GRID2: variants seen among roughly 807,000 people sequenced by gnomAD.
GRID2 encodes the protein glutamate receptor ionotropic, delta-2.
In GRID2, 33 loss-of-function variants were observed where a neutral mutation model predicts 114.8. The observed-to-expected ratio is 0.29, with a 90% CI of 0.22 to 0.38. The LOEUF (loss-of-function observed/expected upper bound fraction) is 0.38. GRID2 is among the 10% of genes least tolerant of loss of function. The pLI is 1.00. For missense variants in GRID2, 1,184 were observed against 1,257.7 expected (o/e 0.94, Z 0.89); for synonymous variants, 505 against 449.9 (o/e 1.12, Z -1.55).
intron 1 of GRID2, among the ~76,000 whole-genome samples, chr4:92,457,786 G>A (rs548165238): frequency 1.3e-5 from 2 of 152,116 alleles, no homozygotes; most frequent in Admixed American, 1.3e-4. Context: ...AGAACAAAGA[G>A]AAAGTGTCTT....
At position 93,455,891 on chromosome 4, in the gene GRID2, C is replaced by T. The variant is rs145785994; in HGVS notation, c.1775C>T (p.Pro592Leu). The T allele has an allele frequency of 2.3e-4, 371 of 1,610,274 alleles. No homozygotes were observed. Among genetic ancestry groups the T allele is most frequent in the Non-Finnish European group, 2.9e-4 (342 of 1,176,692 alleles). ...LLVYLLNWLN[P>L]PRLQMGSMTS... ...GTCTACCTCTTGAACTGGCTTAATC[C>T]CCCACGATTACAAATGGGATCAATG... The change falls in exon 11 of 16, where the codon CCC becomes CTC. Residue 592 changes from proline to leucine, a missense_variant. By Grantham distance (98) the Pro-to-Leu change is moderately conservative (BLOSUM62 -3). Coordinates refer to ENST00000282020, the MANE Select transcript of GRID2 (RefSeq NM_001510.4).
At chr4:93,278,571 A>G (rs1752318013) in intron 8 of GRID2, among the ~76,000 whole-genome samples, 1 of 152,008 alleles carries the variant, frequency 6.6e-6, no homozygotes, top group Admixed American at 6.6e-5. Flanking sequence ...TTATCCACAA[A>G]ATAGTTTCAG....
At chr4:93,603,079 AG>A (rs1386877952) in intron 13 of GRID2, among the ~76,000 whole-genome samples, 1 of 152,058 alleles carries the variant, frequency 6.6e-6, no homozygotes, top group African/African-American at 2.4e-5. Flanking sequence ...ACGTGGTGGC[AG>A]GCGCCTGTAA....
intron 8 of GRID2, among the ~76,000 whole-genome samples, chr4:93,372,760 A>T (rs1389543259): frequency 6.6e-6 from 1 of 152,210 alleles, no homozygotes; most frequent in Non-Finnish European, 1.5e-5. Flanking sequence ...TCTTAAGCAC[A>T]ATACAATAGT....
chr4:92,500,419 T>A (rs190754602), intron 1 of GRID2, among the ~76,000 whole-genome samples: 4 of 152,306 alleles, frequency 2.6e-5, no homozygotes, highest in Admixed American at 2.6e-4. Flanking sequence ...CACATTCCTT[T>A]GAGAACTAAA....
intron 4 of GRID2, among the ~76,000 whole-genome samples, chr4:93,184,356 C>T (rs1238512003): frequency 6.6e-6 from 1 of 152,076 alleles, no homozygotes; most frequent in Non-Finnish European, 1.5e-5. Context: ...TATTTACTGC[C>T]TGTGTCCGTG....
chr4:92,662,387 T>G (rs1340131284), intron 2 of GRID2, among the ~76,000 whole-genome samples: 1 of 151,028 alleles, frequency 6.6e-6, no homozygotes. Flanking sequence ...AATACTGAGC[T>G]ATGTTATCTT....
Position 92,648,125 on chromosome 4 carries a change from T to C in GRID2, c.244+57839T>C, listed in dbSNP as rs191956654. ...TGTATAATGACAATAAAATTCTTTT[T>C]GAGATCTGTAGCATTCAGTGCCTTG... On this transcript the variant is annotated intron_variant, in intron 2 of 15. Coordinates refer to ENST00000282020, the MANE Select transcript of GRID2 (RefSeq NM_001510.4). Among the ~76,000 whole-genome samples the C allele has an allele frequency of 2.3e-4, 34 of 150,042 alleles. 1 individual carries two copies. Among genetic ancestry groups the C allele is most frequent in the Admixed American group, 2.2e-3 (33 of 15,116 alleles).
chr4:92,753,106 A>G (rs1007827208), intron 2 of GRID2, among the ~76,000 whole-genome samples: 1 of 152,192 alleles, frequency 6.6e-6, no homozygotes, highest in Non-Finnish European at 1.5e-5. Context: ...TTACAAATGT[A>G]AGTAATACAC....
intron 1 of GRID2, among the ~76,000 whole-genome samples, chr4:92,313,393 C>T (rs1184622075): frequency 5.3e-5 from 8 of 151,966 alleles, no homozygotes; most frequent in African/African-American, 1.7e-4. Context: ...GTGATGAGTG[C>T]ACCAGGTTCT....
At chr4:92,636,700 C>A (rs898108320) in intron 2 of GRID2, among the ~76,000 whole-genome samples, 4 of 151,976 alleles carry the variant, frequency 2.6e-5, no homozygotes, top group African/African-American at 7.2e-5. Flanking sequence ...TAATGCAGCT[C>A]TGTAAAGTGT....
intron 10 of GRID2, among the ~76,000 whole-genome samples, chr4:93,445,990 A>G (rs1045676614): frequency 1.3e-5 from 2 of 152,014 alleles, no homozygotes; most frequent in Non-Finnish European, 2.9e-5. Flanking sequence ...AGATTTCAAA[A>G]AAGCACACTC....
At chr4:93,626,134 T>A (rs745904283) in intron 13 of GRID2, 135 bp from the exon 14 acceptor site, 1 of 568,100 alleles carries the variant, frequency 1.8e-6, no homozygotes, top group Non-Finnish European at 3.1e-6. Flanking sequence ...CAACAGATAC[T>A]GAAGGATGAT....
intron 4 of GRID2, among the ~76,000 whole-genome samples, chr4:93,191,358 T>C (rs1740966015): frequency 6.6e-6 from 1 of 152,104 alleles, no homozygotes; most frequent in African/African-American, 2.4e-5. Flanking sequence ...CAAGCTGTCT[T>C]CCTCTTTGCT....
intron 13 of GRID2, among the ~76,000 whole-genome samples, chr4:93,613,250 G>T (rs1447221180): frequency 7.1e-6 from 1 of 141,200 alleles, no homozygotes; most frequent in Admixed American, 7.1e-5. Context: ...CTTTGCCTTT[G>T]GTTTGAATGT....
chr4:93,119,689 A>T (rs1733603046), intron 4 of GRID2, among the ~76,000 whole-genome samples: 1 of 152,178 alleles, frequency 6.6e-6, no homozygotes, highest in Non-Finnish European at 1.5e-5. Flanking sequence ...AGGTTCATTG[A>T]AAAAAAGAAC....
At chr4:92,629,058 C>T (rs1010921342) in intron 2 of GRID2, among the ~76,000 whole-genome samples, 4 of 151,664 alleles carry the variant, frequency 2.6e-5, no homozygotes, top group African/African-American at 9.7e-5. Context: ...AATCCCAGGG[C>T]TCACTAGATA....
chr4:93,540,120 TTCTTA>T (rs1732513373), intron 13 of GRID2, among the ~76,000 whole-genome samples: 2 of 152,064 alleles, frequency 1.3e-5, no homozygotes, highest in African/African-American at 4.8e-5. Context: ...AAATTTTCTA[TTCTTA>T]TCTTTCAAAA....
intron 2 of GRID2, among the ~76,000 whole-genome samples, chr4:92,696,826 C>A (rs1334473400): frequency 1.3e-5 from 2 of 152,132 alleles, no homozygotes; most frequent in Non-Finnish European, 2.9e-5. Flanking sequence ...TATTCTACTA[C>A]TGTGAAGCTG....
Sources: gnomAD v4.1 joint callset for allele counts (sites outside exome capture counted in the v4.1 genomes callset) on GRCh38, gnomAD v4.1.1 for gene constraint, MANE v1.5 for transcripts, NCBI Gene and HGNC (gene_info 2026-07-23, HGNC 2026-07-21) for gene names.